The following FAM3B variants were observed in gnomAD, a reference collection of about 807,000 sequenced individuals.
FAM3B encodes FAM3 metabolism regulating signaling molecule B.
In FAM3B, 29 loss-of-function variants were observed where a neutral mutation model predicts 28.4. That is an observed-to-expected ratio of 1.02 (90% confidence interval 0.76 to 1.39). The LOEUF (loss-of-function observed/expected upper bound fraction) is 1.39. Ranked by LOEUF, FAM3B falls within the 40% of genes most tolerant of loss-of-function variation. The probability of loss-of-function intolerance (pLI) is 0.00; values close to 1 mark genes in which losing one functional copy is unlikely to be tolerated. For synonymous variants in FAM3B, 91 were observed against 103.0 expected, an observed-to-expected ratio of 0.88 and a Z score of 0.71; for missense variants, 266 against 293.9, an observed-to-expected ratio of 0.91 and a Z score of 0.69.
chr21:41,338,945 G>C (rs1255221913), intron 3 of FAM3B, among the ~76,000 whole-genome samples: 1 of 152,192 alleles, frequency 6.6e-6, no homozygotes, highest in African/African-American at 2.4e-5. Context: ...AAAAAGCGAA[G>C]TTAGACTACT....
intron 2 of FAM3B, among the ~76,000 whole-genome samples, chr21:41,328,666 AAACTGTAGGCTATTTGAGTGTT>A (rs2088876682): frequency 6.6e-6 from 1 of 152,232 alleles, no homozygotes; most frequent in African/African-American, 2.4e-5. Context: ...AAGGGAGAAG[AAACTGTAGGCTATTTGAGTGTT>A]AACTGCTAAG....
At position 41,357,136 on chromosome 21, in the gene FAM3B, G is replaced by C; in HGVS notation, c.647G>C (p.Arg216Thr). ...AACCACTCTGATGCTAAGAACAACA[G>C]ATATTCTGGCTGGCCTGCAGAGATC... is the stretch of plus-strand genomic sequence containing the variant. ...KINHSDAKNN[R>T]YSGWPAEIQI... The change falls in exon 8 of 8, where the codon AGA becomes ACA. Residue 216 changes from arginine to threonine, a missense_variant. Coordinates refer to ENST00000357985, the MANE Select transcript of FAM3B (RefSeq NM_058186.4). The C allele has an allele frequency of 6.2e-7, 1 of 1,613,414 alleles. No individual in the cohort carries two copies. The highest frequency in any genetic ancestry group is 1.1e-5 in the South Asian group (1 of 90,996).
At chr21:41,322,865 C>G (rs776114428) in intron 1 of FAM3B, 58 bp from the exon 2 acceptor site, 15 of 1,614,030 alleles carry the variant, frequency 9.3e-6, no homozygotes, top group Admixed American at 3.3e-5. Context: ...TGGGGAGGGC[C>G]AAGGGCCAGG....
At chr21:41,356,912 T>C (rs568043844) in intron 7 of FAM3B, among the ~76,000 whole-genome samples, 196 bp from the exon 8 acceptor site, 4 of 152,310 alleles carry the variant, frequency 2.6e-5, no homozygotes, top group African/African-American at 9.6e-5. Flanking sequence ...TTATCACATA[T>C]ACTCCAAAAA....
intron 4 of FAM3B, among the ~76,000 whole-genome samples, 173 bp downstream of exon 4, chr21:41,344,707 G>T (rs2089040537): frequency 6.6e-6 from 1 of 152,142 alleles, no homozygotes; most frequent in Non-Finnish European, 1.5e-5. Flanking sequence ...CAGATTATTT[G>T]TGGTTCTAAC....
At chr21:41,348,771 A>G (rs1423920384) in intron 7 of FAM3B, 47 bp downstream of exon 7, 6 of 1,609,574 alleles carry the variant, frequency 3.7e-6, no homozygotes, top group Non-Finnish European at 5.1e-6. Flanking sequence ...GAGTATAGTA[A>G]ATGCTGTGCC....
chr21:41,336,314 G>C (rs556953600), intron 2 of FAM3B, among the ~76,000 whole-genome samples: 28 of 152,314 alleles, frequency 1.8e-4, no homozygotes, highest in Admixed American at 8.5e-4. Context: ...CTGAGGTCAA[G>C]AGTTCAAGAC....
At position 41,338,513 on chromosome 21, in the gene FAM3B, C is replaced by T. The variant is rs761665662; in HGVS notation, c.287+12C>T. 12 of 1,613,602 alleles carry T rather than the reference C, an allele frequency of 7.4e-6. No homozygotes were observed. The highest frequency in any genetic ancestry group is 1.0e-5 in the Non-Finnish European group (12 of 1,179,786). ...TTTGAGGATAACCTGTAAGTACCAG[C>T]GTTTAGAAGGAAAATAAAGCGATCC... On this transcript the variant is annotated intron_variant, in intron 3 of 7. Transcript: ENST00000357985.
intron 2 of FAM3B, among the ~76,000 whole-genome samples, chr21:41,336,794 C>A (rs924923998): frequency 1.3e-5 from 2 of 152,126 alleles, no homozygotes; most frequent in Non-Finnish European, 2.9e-5. Context: ...GTTATGTCTT[C>A]TTGATGAATT....
intron 2 of FAM3B, among the ~76,000 whole-genome samples, chr21:41,334,138 ATTATAT>A (rs1438655221): frequency 6.6e-6 from 1 of 152,214 alleles, no homozygotes; most frequent in African/African-American, 2.4e-5. Context: ...AAAGTTGGAA[ATTATAT>A]TTAAAGGGGA....
chr21:41,347,128 G>A (rs2089068532), intron 6 of FAM3B, 28 bp downstream of exon 6: 2 of 1,606,126 alleles, frequency 1.2e-6, no homozygotes, highest in Non-Finnish European at 1.7e-6. Context: ...TGTCACAGCG[G>A]TGGGCAAGAG....
exon 1 of FAM3B, chr21:41,304,283 C>T (rs1316003430): frequency 6.6e-6 from 3 of 456,036 alleles, no homozygotes; most frequent in African/African-American, 4.0e-5. Flanking sequence ...TCTTTTTCCA[C>T]CGTGCGAAGG....
intron 7 of FAM3B, among the ~76,000 whole-genome samples, chr21:41,353,695 C>T (rs1224911086): frequency 2.0e-5 from 3 of 152,234 alleles, no homozygotes; most frequent in African/African-American, 4.8e-5. Flanking sequence ...ATGGCTAACA[C>T]TATTAAACTC....
chr21:41,310,731 T>C (rs1268954317), intron 1 of FAM3B, among the ~76,000 whole-genome samples: 1 of 152,130 alleles, frequency 6.6e-6, no homozygotes, highest in Non-Finnish European at 1.5e-5. Context: ...TTCCACGTAG[T>C]TGGTCAGCTG....
chr21:41,316,707 G>C, upstream of FAM3B: 1 of 454,644 alleles, frequency 2.2e-6, no homozygotes, highest in Non-Finnish European at 3.6e-6. Context: ...CGCCCGCCCC[G>C]CGCACCTGCC....
intron 1 of FAM3B, among the ~76,000 whole-genome samples, chr21:41,311,292 A>G (rs1476893855): frequency 2.9e-5 from 3 of 101,962 alleles, no homozygotes; most frequent in South Asian, 3.4e-4. Context: ...ATATATATAT[A>G]TATATGTATA....
intron 2 of FAM3B, among the ~76,000 whole-genome samples, chr21:41,324,950 A>T (rs1161460898): frequency 6.6e-6 from 1 of 152,122 alleles, no homozygotes; most frequent in African/African-American, 2.4e-5. Context: ...AAAAATACAA[A>T]AATTAGCTGG....
intron 3 of FAM3B, among the ~76,000 whole-genome samples, chr21:41,341,655 G>A (rs2089008139): frequency 6.6e-6 from 1 of 152,242 alleles, no homozygotes; most frequent in Non-Finnish European, 1.5e-5. Flanking sequence ...CACGTTGGAT[G>A]TAGCTGTTGT....
intron 2 of FAM3B, among the ~76,000 whole-genome samples, chr21:41,334,070 A>G (rs1376360936): frequency 6.6e-6 from 1 of 152,218 alleles, no homozygotes; most frequent in African/African-American, 2.4e-5. Context: ...AGCATTTAAG[A>G]TATGGCCTGG....
Sources: gnomAD v4.1 joint callset for allele counts (sites outside exome capture counted in the v4.1 genomes callset) on GRCh38, gnomAD v4.1.1 for gene constraint, MANE v1.5 for transcripts, NCBI Gene and HGNC (gene_info 2026-07-23, HGNC 2026-07-21) for gene names.